Variants in CHLSN observed in about 807,000 individuals in gnomAD.
CHLSN encodes protein cholesin.
the CHLSN span, among the ~76,000 whole-genome samples, chr7:1,002,347 G>GA: frequency 4.5e-5 from 6 of 132,074 alleles, no homozygotes; most frequent in Admixed American, 7.3e-5. Flanking sequence ...CCCTGTGGGT[G>GA]GGGAGTCCTG....
At chr7:1,126,468 C>CGGAAGTTTCAA in the CHLSN span, among the ~76,000 whole-genome samples, 1 of 151,346 alleles carries the variant, frequency 6.6e-6, no homozygotes, top group Non-Finnish European at 1.5e-5. Context: ...CACTTGAGGT[C>CGGAAGTTTCAA]GGAAGTTTCA....
chr7:1,028,432 G>A, the CHLSN span: 4 of 985,690 alleles, frequency 4.1e-6, no homozygotes, highest in Non-Finnish European at 4.8e-6. Flanking sequence ...TGACGCCAGC[G>A]CGCCTGCGGG....
At chr7:1,015,643 G>A in the CHLSN span, among the ~76,000 whole-genome samples, 1 of 152,200 alleles carries the variant, frequency 6.6e-6, no homozygotes, top group Admixed American at 6.5e-5. Context: ...AGGAGAGCAG[G>A]GAGGACCCAG....
chr7:1,107,940 C>G, the CHLSN span, among the ~76,000 whole-genome samples: 2 of 141,746 alleles, frequency 1.4e-5, no homozygotes, highest in Admixed American at 1.4e-4. Context: ...GAGACCCGCA[C>G]CCCGGGAGGA....
At chr7:1,084,399 G>A in the CHLSN span, among the ~76,000 whole-genome samples, 1 of 152,194 alleles carries the variant, frequency 6.6e-6, no homozygotes, top group African/African-American at 2.4e-5. Context: ...TCCGAACCTC[G>A]GGCTGTCTTC....
chr7:1,131,462 T>G, the CHLSN span, among the ~76,000 whole-genome samples: 1 of 152,154 alleles, frequency 6.6e-6, no homozygotes, highest in African/African-American at 2.4e-5. Flanking sequence ...CCCATCCCAC[T>G]CGGGGCTATC....
At chr7:992,240 G>A in the CHLSN span, among the ~76,000 whole-genome samples, 1 of 152,204 alleles carries the variant, frequency 6.6e-6, no homozygotes, top group South Asian at 2.1e-4. Context: ...TGGGCAGGCT[G>A]CTCTTGGCCC....
the CHLSN span, among the ~76,000 whole-genome samples, chr7:1,018,026 G>T: frequency 1.3e-5 from 2 of 152,174 alleles, no homozygotes; most frequent in African/African-American, 2.4e-5. Context: ...ATGACCCAAA[G>T]TCCCCACGGG....
chr7:1,069,851 T>G, the CHLSN span, among the ~76,000 whole-genome samples: 1 of 58,228 alleles, frequency 1.7e-5, no homozygotes, highest in Non-Finnish European at 3.0e-5. Flanking sequence ...GGCTGCCCAG[T>G]CTGGAAAGTG....
At chr7:1,085,954 C>T in the CHLSN span, among the ~76,000 whole-genome samples, 1 of 152,252 alleles carries the variant, frequency 6.6e-6, no homozygotes, top group African/African-American at 2.4e-5. Flanking sequence ...GAAGTTCCTG[C>T]AGTCCGGGCC....
the CHLSN span, among the ~76,000 whole-genome samples, chr7:1,017,153 T>C: frequency 6.6e-6 from 1 of 152,214 alleles, no homozygotes; most frequent in African/African-American, 2.4e-5. Flanking sequence ...CTGTGGGCAT[T>C]GGGCCTCTGC....
the CHLSN span, among the ~76,000 whole-genome samples, chr7:1,029,714 GC>G: frequency 0.11 from 16,410 of 152,244 alleles, 1,149 homozygotes; most frequent in Middle Eastern, 0.2. Context: ...TGGTCGCGGG[GC>G]CCTGCTCTGG....
At chr7:1,133,443 A>T in the CHLSN span, among the ~76,000 whole-genome samples, 1 of 151,432 alleles carries the variant, frequency 6.6e-6, no homozygotes, top group South Asian at 2.1e-4. Flanking sequence ...ATTTACCATA[A>T]ATTTAAAAAT....
At chr7:1,011,556 C>T in the CHLSN span, among the ~76,000 whole-genome samples, 1 of 150,948 alleles carries the variant, frequency 6.6e-6, no homozygotes, top group Non-Finnish European at 1.5e-5. Flanking sequence ...CACCCAGATA[C>T]CCAAACACAC....
At chr7:1,017,457 G>A in the CHLSN span, among the ~76,000 whole-genome samples, 1 of 152,184 alleles carries the variant, frequency 6.6e-6, no homozygotes, top group African/African-American at 2.4e-5. Context: ...TGAGGCAGGC[G>A]CTGCTGTCCT....
the CHLSN span, among the ~76,000 whole-genome samples, chr7:1,031,309 G>A: frequency 6.6e-6 from 1 of 152,214 alleles, no homozygotes; most frequent in Non-Finnish European, 1.5e-5. Context: ...AAAATGGTTG[G>A]GGGAGGAAGG....
the CHLSN span, among the ~76,000 whole-genome samples, chr7:1,111,352 A>G: frequency 1.3e-5 from 2 of 152,268 alleles, no homozygotes; most frequent in African/African-American, 4.8e-5. Flanking sequence ...CAGGCCTCAT[A>G]TAACCATCTT....
the CHLSN span, among the ~76,000 whole-genome samples, chr7:1,008,776 GCACA>G: frequency 1.3e-5 from 2 of 151,668 alleles, no homozygotes; most frequent in Non-Finnish European, 2.9e-5. Context: ...AAACACACAC[GCACA>G]CACGCACATG....
the CHLSN span, among the ~76,000 whole-genome samples, chr7:1,094,030 G>C: frequency 6.6e-6 from 1 of 152,240 alleles, no homozygotes; most frequent in African/African-American, 2.4e-5. Flanking sequence ...TGTCATGCTT[G>C]GGTGCCATGA....
Sources: allele counts gnomAD v4.1 joint callset (sites outside exome capture counted in the v4.1 genomes callset), GRCh38; gene constraint gnomAD v4.1.1; transcripts MANE v1.5; gene names NCBI Gene and HGNC (gene_info 2026-07-23, HGNC 2026-07-21).